RPL29: variants seen among roughly 807,000 people sequenced by gnomAD.
RPL29 encodes the protein ribosomal protein L29.
RPL29 carries 4 observed loss-of-function variants against 7.2 expected under a neutral mutation model. That is an observed-to-expected ratio of 0.55 (90% confidence interval 0.27 to 1.26). The LOEUF is 1.26. RPL29 is among the 50% of genes most tolerant of loss of function. The probability of loss-of-function intolerance (pLI) is 0.11; values close to 1 mark genes in which losing one functional copy is unlikely to be tolerated. For missense variants in RPL29, 148 were observed against 209.1 expected, an observed-to-expected ratio of 0.71 and a Z score of 1.80; for synonymous variants, 73 against 72.8, an observed-to-expected ratio of 1.00 and a Z score of -0.01.
chr3:51,995,243 C>T, intron 2 of RPL29, 137 bp from the exon 3 acceptor site: 1 of 981,470 alleles, frequency 1.0e-6, no homozygotes, highest in Non-Finnish European at 1.6e-6. Context: ...ACCCTTACTA[C>T]TAAATGCAAA....
chr3:51,995,685 A>C, intron 1 of RPL29, 172 bp downstream of exon 1: 1 of 578,224 alleles, frequency 1.7e-6, no homozygotes, highest in African/African-American at 1.9e-5. Flanking sequence ...GCATTCCCCA[A>C]TAAAGTGGCT....
rs913245115 is a variant in RPL29, at chr3:51,993,541, C to G, written c.*208G>C. The stretch of plus-strand genomic sequence containing the variant: ...CCCCATCTCCTGACTCCCACCCACA[C>G]CCCACCATCCAGACCCATGTCTTCT... On this transcript the variant is annotated 3_prime_UTR_variant, in exon 4 of 4. Coordinates refer to ENST00000294189, the MANE Select transcript of RPL29 (RefSeq NM_000992.3). 1.8e-6 allele frequency: 1 copy of G among 549,794 alleles called. No homozygotes were observed. Among genetic ancestry groups the G allele is most frequent in the African/African-American group, 1.9e-5 (1 of 53,632 alleles). 34.1% of individuals were successfully genotyped at this position (549,794 alleles called of 1,614,324 possible). A position where few individuals can be genotyped will look rare whatever the true frequency, so the allele number is the denominator to read the frequency against.
chr3:51,995,267 C>G (rs1355024338), intron 2 of RPL29, 158 bp downstream of exon 2: 8 of 976,628 alleles, frequency 8.2e-6, no homozygotes, highest in Non-Finnish European at 1.3e-5. Flanking sequence ...CTCTGTATCT[C>G]AAGTAGATCT....
In RPL29 at chr3:51,993,871, G is replaced by A. The variant is rs544562477; in HGVS notation, c.358C>T (p.Arg120Trp). The A allele has an allele frequency of 5.9e-5, 89 of 1,506,030 alleles. No individual in the cohort carries two copies. Among genetic ancestry groups the A allele is most frequent in the Admixed American group, 1.7e-4 (10 of 57,792 alleles). The allele number at this position is 1,506,030 out of a possible 1,614,324, so 93.3% of individuals were successfully genotyped here. A position where few individuals can be genotyped will look rare whatever the true frequency, so the allele number is the denominator to read the frequency against. Reference protein sequence around the residue: ...ARIAKGLRLCRPKAKAKAKAK... With the variant: ...ARIAKGLRLCWPKAKAKAKAK... ...TTGGCCTTGGCCTTGGCCTTTGGCCGGCACAGCCTGAGCCCCTTGGCAATA... is the reference window on the plus strand; with the variant it reads ...TTGGCCTTGGCCTTGGCCTTTGGCCAGCACAGCCTGAGCCCCTTGGCAATA... Residue 120 changes from arginine (R) to tryptophan (W), a missense_variant, in exon 4 of 4, where the codon CGG becomes TGG. Arg to Trp is a moderately radical substitution (Grantham distance 101). Coordinates refer to ENST00000294189, the MANE Select transcript of RPL29 (RefSeq NM_000992.3).
intron 3 of RPL29, chr3:51,994,486 A>G: frequency 3.0e-6 from 1 of 331,890 alleles, no homozygotes; most frequent in Non-Finnish European, 5.6e-6. Context: ...TCAATTAAAT[A>G]CCAAGTCTGG....
In RPL29 at chr3:51,993,880, T is replaced by A. The variant is rs758965496; in HGVS notation, c.349A>T (p.Arg117Trp). The A allele has an allele frequency of 4.4e-6, 7 of 1,595,984 alleles. No individual in the cohort carries two copies. The highest frequency in any genetic ancestry group is 1.7e-5 in the Admixed American group (1 of 59,990). ...RARARIAKGL[R>W]LCRPKAKAKA... ...GCCTTGGCCTTTGGCCGGCACAGCC[T>A]GAGCCCCTTGGCAATACGGGCACGA... Residue 117 changes from arginine (R) to tryptophan (W), a missense_variant, in exon 4 of 4, where the codon AGG becomes TGG. Arg to Trp is a moderately radical substitution (Grantham distance 101). Coordinates refer to ENST00000294189, the MANE Select transcript of RPL29 (RefSeq NM_000992.3).
rs1311408771 is a variant in RPL29 at position 51,993,967 on chromosome 3, C to T, written c.262G>A (p.Gly88Ser). 2 of 1,597,176 alleles carry T rather than the reference C, an allele frequency of 1.3e-6. No individual in the cohort carries two copies. The highest frequency in any genetic ancestry group is 1.7e-6 in the Non-Finnish European group (2 of 1,179,786). The change falls in exon 4 of 4, where the codon GGT becomes AGT. Residue 88 changes from glycine to serine, a missense_variant. Gly to Ser is a moderately conservative substitution (Grantham distance 56). Transcript: ENST00000294189. ...PKEVKPKIPK[G>S]VSRKLDRLAY... is the part of the protein sequence containing the mutation. ...AGTCGATCGAGCTTGCGGCTGACAC[C>T]CTTTGGGATCTTGGGCTTAACCTCC...
At chr3:51,995,143 A>G in intron 2 of RPL29, 37 bp from the exon 3 acceptor site, 1 of 1,568,080 alleles carries the variant, frequency 6.4e-7, no homozygotes, top group African/African-American at 1.4e-5. Flanking sequence ...CCAACAAAGA[A>G]CTTTCCTCTA....
intron 1 of RPL29, 44 bp downstream of exon 1, chr3:51,995,813 C>A (rs1021299007): frequency 2.2e-5 from 7 of 325,368 alleles, no homozygotes; most frequent in African/African-American, 1.1e-4. Context: ...CGCCGCCACC[C>A]GTAAGTCGCG....
chr3:51,995,070 C>G lies in RPL29; in HGVS notation c.74G>C (p.Arg25Pro). 3 of 1,612,056 alleles carry G rather than the reference C, an allele frequency of 1.9e-6. No homozygotes were observed. Among genetic ancestry groups the G allele is most frequent in the Non-Finnish European group, 2.5e-6 (3 of 1,179,358 alleles). Residue 25 changes from arginine (R) to proline (P), a missense_variant, in exon 3 of 4, where the codon CGA becomes CCA. Arg to Pro is a moderately radical substitution (Grantham distance 103, BLOSUM62 -2). Coordinates refer to ENST00000294189, the MANE Select transcript of RPL29 (RefSeq NM_000992.3). ...KWHRNGIKKP[R>P]SQRYESLKGV... The stretch of plus-strand genomic sequence containing the variant: ...CTTAAGAGATTCGTATCTTTGTGAT[C>G]GGGGTTTCTTGATACCATTTCTGTG...
chr3:51,994,737 G>A (rs1211130069), intron 3 of RPL29: 2 of 680,670 alleles, frequency 2.9e-6, no homozygotes, highest in Non-Finnish European at 2.7e-6. Context: ...GTGTGGGAAT[G>A]TGCCCTGCAC....
chr3:51,994,766 TC>T, intron 3 of RPL29: 1 of 698,616 alleles, frequency 1.4e-6, no homozygotes, highest in Non-Finnish European at 2.6e-6. Flanking sequence ...ACAAGGCCAC[TC>T]CTTACCCTAA....
intron 3 of RPL29, 182 bp from the exon 4 acceptor site, chr3:51,994,308 G>A (rs1010867942): frequency 5.5e-6 from 4 of 722,864 alleles, no homozygotes; most frequent in Admixed American, 3.0e-5. Context: ...GAGCCAATAC[G>A]CCACCTGGGT....
intron 2 of RPL29, 114 bp from the exon 3 acceptor site, chr3:51,995,220 T>C: frequency 9.6e-7 from 1 of 1,039,552 alleles, no homozygotes; most frequent in East Asian, 2.4e-5. Context: ...CAGCTACACT[T>C]GAGATATGGG....
chr3:51,995,169 A>G (rs906406687), intron 2 of RPL29, 63 bp from the exon 3 acceptor site: 24 of 1,413,940 alleles, frequency 1.7e-5, no homozygotes, highest in African/African-American at 1.6e-4. Context: ...ACCACCCAAC[A>G]TCACAGCTGG....
chr3:51,994,224 T>G (rs1241503553), intron 3 of RPL29, 98 bp from the exon 4 acceptor site: 7 of 1,423,956 alleles, frequency 4.9e-6, no homozygotes, highest in Non-Finnish European at 6.5e-6. Flanking sequence ...AAAGACAGCA[T>G]CAAGTCAACC....
In RPL29 at chr3:51,994,753, C is replaced by A. The variant is rs189739963; in HGVS notation, c.102+289G>T. On this transcript the variant is annotated intron_variant, in intron 3 of 3. Coordinates refer to ENST00000294189, the MANE Select transcript of RPL29 (RefSeq NM_000992.3). ...TGTGGGAATGTGCCCTGCACGCACTCAGACAAGGCCACTCCTTACCCTAAG... is the reference window on the plus strand; with the variant it reads ...TGTGGGAATGTGCCCTGCACGCACTAAGACAAGGCCACTCCTTACCCTAAG... The A allele has an allele frequency of 1.4e-5, 10 of 693,764 alleles. No homozygotes were observed. The Admixed American group carries it at 1.8e-4, about 13-fold the overall frequency. 43.0% of individuals were successfully genotyped at this position (693,764 alleles called of 1,614,324 possible).
intron 3 of RPL29, 91 bp downstream of exon 3, chr3:51,994,951 G>A (rs1338239050): frequency 1.7e-6 from 2 of 1,160,254 alleles, no homozygotes; most frequent in South Asian, 2.4e-5. Context: ...TGCTCAGGCA[G>A]AAGCCAAAGC....
chr3:51,993,581 T>A lies in RPL29; in HGVS notation c.*168A>T. 4.2e-6 allele frequency: 3 copies of A among 706,016 alleles called. No homozygotes were observed. Among genetic ancestry groups the A allele is most frequent in the Non-Finnish European group, 6.9e-6 (3 of 433,794 alleles). 43.7% of individuals were successfully genotyped at this position (706,016 alleles called of 1,614,324 possible). ...CCATGTCTTCTCCCACACCAACAGA[T>A]GGAGCAACCAAACCCATCCCCAGGA... is the stretch of plus-strand genomic sequence containing the variant. On this transcript the variant is annotated 3_prime_UTR_variant, in exon 4 of 4. Transcript: ENST00000294189.
Sources: allele counts gnomAD v4.1 joint callset, GRCh38; gene constraint gnomAD v4.1.1; transcripts MANE v1.5; gene names NCBI Gene and HGNC (gene_info 2026-07-23, HGNC 2026-07-21).